The following ADARB2 variants were observed in gnomAD, a reference collection of about 807,000 sequenced individuals.
ADARB2 encodes adenosine deaminase RNA specific B2 (inactive), also known as inactive double-stranded RNA-specific editase B2.
A neutral mutation model predicts 62.2 loss-of-function variants in ADARB2; 25 were observed. The observed-to-expected ratio is 0.40, with a 90% confidence interval of 0.29 to 0.56. The LOEUF (loss-of-function observed/expected upper bound fraction) is 0.56, where lower values mean the gene tolerates loss of function less well. Ranked by LOEUF, ADARB2 falls within the 20% of genes least tolerant of loss-of-function variation. The pLI, the probability that ADARB2 is intolerant of heterozygous loss-of-function variation, is 0.43. For synonymous variants in ADARB2, 572 were observed against 500.8 expected, an observed-to-expected ratio of 1.14 and a Z score of -1.90; for missense variants, 1,071 against 1,077.4, an observed-to-expected ratio of 0.99 and a Z score of 0.08.
At chr10:1,703,373 G>A (rs377114241) in intron 1 of ADARB2, among the ~76,000 whole-genome samples, 110 of 152,268 alleles carry the variant, frequency 7.2e-4, no homozygotes, top group African/African-American at 2.4e-3. Context: ...GCTCCACCCC[G>A]AGGCACAGCA....
intron 3 of ADARB2, among the ~76,000 whole-genome samples, chr10:1,329,356 A>T (rs1831906500): frequency 6.6e-6 from 1 of 152,250 alleles, no homozygotes; most frequent in Non-Finnish European, 1.5e-5. Context: ...AGTTTAAATG[A>T]TTAAATCTCT....
At chr10:1,271,661 C>T (rs1328486476) in intron 3 of ADARB2, among the ~76,000 whole-genome samples, 1 of 152,222 alleles carries the variant, frequency 6.6e-6, no homozygotes, top group Non-Finnish European at 1.5e-5. Flanking sequence ...CATACACATA[C>T]ACGTGTGCCC....
intron 7 of ADARB2, chr10:1,200,527 A>G (rs1836972386): frequency 4.4e-6 from 2 of 450,122 alleles, no homozygotes; most frequent in Non-Finnish European, 7.8e-6. Context: ...GAATTTGTTT[A>G]TTTTAGTTTA....
chr10:1,354,496 TGC>T (rs1462875972), intron 3 of ADARB2, among the ~76,000 whole-genome samples: 1 of 151,262 alleles, frequency 6.6e-6, no homozygotes, highest in Admixed American at 6.6e-5. Context: ...TCAGCCCACC[TGC>T]ACCCAGGTGA....
intron 4 of ADARB2, among the ~76,000 whole-genome samples, chr10:1,245,884 CT>C (rs1830982130): frequency 6.6e-6 from 1 of 151,532 alleles, no homozygotes; most frequent in Non-Finnish European, 1.5e-5. Context: ...AATGGTATTT[CT>C]AGTTCTAGAT....
Position 1,211,210 on chromosome 10 carries a change from TCTATCATCTAC to T in ADARB2, c.1682+5730_1682+5740del, listed in dbSNP as rs537982132. 3.3e-5 allele frequency among the ~76,000 whole-genome samples: 5 copies of T among 152,264 alleles called. No individual in the cohort carries two copies. The South Asian group carries it at 6.2e-4, about 19-fold the overall frequency. Reference sequence around the variant, plus strand: ...TTTCATCTATCATCTATCATTATCATCTATCATCTACCTATCATCTGTCATCTATTATCTGT... The same window carrying T: ...TTTCATCTATCATCTATCATTATCATCTATCATCTGTCATCTATTATCTGT... On this transcript the variant is annotated intron_variant, in intron 7 of 9. Transcript: ENST00000381312.
At chr10:1,497,724 G>A (rs1831711595) in intron 1 of ADARB2, among the ~76,000 whole-genome samples, 1 of 152,116 alleles carries the variant, frequency 6.6e-6, no homozygotes, top group Admixed American at 6.6e-5. Context: ...ATATATAAAT[G>A]TCACTTCTAT....
chr10:1,548,623 T>G (rs1431982781), intron 1 of ADARB2, among the ~76,000 whole-genome samples: 1 of 152,204 alleles, frequency 6.6e-6, no homozygotes. Context: ...AATGCGTGGG[T>G]TGCAGTTGAA....
chr10:1,277,734 C>A (rs892751229), intron 3 of ADARB2, among the ~76,000 whole-genome samples: 10 of 152,252 alleles, frequency 6.6e-5, no homozygotes, highest in South Asian at 2.1e-4. Flanking sequence ...AAAAGAGGGA[C>A]TCCTCCCTAA....
At chr10:1,412,415 A>G (rs533374703) in intron 1 of ADARB2, among the ~76,000 whole-genome samples, 1 of 152,138 alleles carries the variant, frequency 6.6e-6, no homozygotes, top group Non-Finnish European at 1.5e-5. Context: ...CCATGTTTAA[A>G]TGAAACCTGG....
At position 1,733,375 on chromosome 10, in the gene ADARB2, G is replaced by A. The variant is rs78252391; in HGVS notation, c.100+3676C>T. 8.1e-3 allele frequency among the ~76,000 whole-genome samples: 1,223 copies of A among 151,780 alleles called. 53 individuals are homozygous for A. The East Asian group carries it at 0.13, about 16-fold the overall frequency. Reference sequence around the variant, plus strand: ...GTAGAAGATTAAAAATATTTCATTTGCAAAATGCCTTTCATGCCAATGCAT... The same window carrying A: ...GTAGAAGATTAAAAATATTTCATTTACAAAATGCCTTTCATGCCAATGCAT... On this transcript the variant is annotated intron_variant, in intron 1 of 9. Coordinates refer to ENST00000381312, the MANE Select transcript of ADARB2 (RefSeq NM_018702.4).
chr10:1,612,993 AGTTAACACTTCC>A (rs1292663723), intron 1 of ADARB2, among the ~76,000 whole-genome samples: 5 of 152,238 alleles, frequency 3.3e-5, no homozygotes, highest in Admixed American at 3.3e-4. Context: ...GTTGTGAACA[AGTTAACACTTCC>A]GTTTACTTCT....
At chr10:1,703,236 TA>T (rs1351595785) in intron 1 of ADARB2, among the ~76,000 whole-genome samples, 1 of 151,950 alleles carries the variant, frequency 6.6e-6, no homozygotes, top group Non-Finnish European at 1.5e-5. Flanking sequence ...GGCATGGGCA[TA>T]AATAGCAAGG....
intron 1 of ADARB2, among the ~76,000 whole-genome samples, chr10:1,609,677 T>C (rs1833542939): frequency 1.3e-5 from 2 of 152,252 alleles, no homozygotes; most frequent in Admixed American, 1.3e-4. Flanking sequence ...AGGAAGACGC[T>C]TCCCTTGGGG....
intron 1 of ADARB2, among the ~76,000 whole-genome samples, chr10:1,400,389 C>T (rs1832651609): frequency 1.3e-5 from 2 of 152,326 alleles, no homozygotes; most frequent in East Asian, 1.9e-4. Flanking sequence ...TGAGACACAT[C>T]GTGGTGAATC....
At position 1,335,104 on chromosome 10, in the gene ADARB2, G is replaced by T. The variant is rs572886966; in HGVS notation, c.1077+27924C>A. On this transcript the variant is annotated intron_variant, in intron 3 of 9. Coordinates refer to ENST00000381312, the MANE Select transcript of ADARB2 (RefSeq NM_018702.4). ...GTGTGCGTTACAATTCAAACTGTGA[G>T]GTCTTCTCAGGGGCAATGGGTTTGT... is the stretch of plus-strand genomic sequence containing the variant. Among the ~76,000 whole-genome samples, 11 of 152,214 alleles carry T rather than the reference G, an allele frequency of 7.2e-5. No individual in the cohort carries two copies. In the South Asian group the frequency reaches 1.9e-3, roughly 26 times the overall value.
chr10:1,187,589 C>A (rs368696112), intron 8 of ADARB2, among the ~76,000 whole-genome samples: 1 of 152,252 alleles, frequency 6.6e-6, no homozygotes, highest in Non-Finnish European at 1.5e-5. Flanking sequence ...TTTCTCTTTG[C>A]GGAGGACGTT....
At chr10:1,587,106 C>T (rs1251351461) in intron 1 of ADARB2, among the ~76,000 whole-genome samples, 1 of 152,198 alleles carries the variant, frequency 6.6e-6, no homozygotes, top group African/African-American at 2.4e-5. Flanking sequence ...ATTATAACCG[C>T]TTGTATACTC....
intron 1 of ADARB2, among the ~76,000 whole-genome samples, chr10:1,483,029 T>C (rs948796753): frequency 8.5e-5 from 13 of 152,210 alleles, no homozygotes; most frequent in African/African-American, 2.9e-4. Context: ...TGGACATGAT[T>C]TTATTTCATT....
Sources: gnomAD v4.1 joint callset for allele counts (sites outside exome capture counted in the v4.1 genomes callset) on GRCh38, gnomAD v4.1.1 for gene constraint, MANE v1.5 for transcripts, NCBI Gene and HGNC (gene_info 2026-07-23, HGNC 2026-07-21) for gene names.